The following ANO7 variants were observed in gnomAD, a reference collection of about 807,000 sequenced individuals.
ANO7 encodes the protein anoctamin 7, also known as anoctamin-7.
A neutral mutation model predicts 115.8 loss-of-function variants in ANO7; 114 were observed. The observed-to-expected ratio is 0.98, with a 90% CI of 0.85 to 1.15. The LOEUF is 1.15. ANO7 is among the 50% of genes most tolerant of loss of function. The pLI is 0.00. For synonymous variants in ANO7, 550 were observed against 498.2 expected (o/e 1.10, Z -1.38); for missense variants, 1,302 against 1,201.2 (o/e 1.08, Z -1.24).
At chr2:241,231,134 C>T in the ANO7 span, 1 of 560,910 alleles carries the variant, frequency 1.8e-6, no homozygotes, top group Non-Finnish European at 3.2e-6. Flanking sequence ...CCTGTAATCC[C>T]AGCACTTTGG....
Position 241,214,902 on chromosome 2 carries a change from CGT to C in ANO7, c.1826+2_1826+3del. 6.2e-7 allele frequency: 1 copy of C among 1,611,674 alleles called. No homozygotes were observed. On this transcript the variant is annotated splice_donor_variant, in intron 18 of 24. Coordinates refer to ENST00000674324, the MANE Select transcript of ANO7 (RefSeq NM_001370694.2). LOFTEE classifies it high-confidence loss of function. ...AACAACATGCAGGAGGTCCTCATCC[CGT>C]GAGTCCCCCACTCCTCCCTGGGTGG...
chr2:241,230,577 C>T (rs1025980452), downstream of ANO7, among the ~76,000 whole-genome samples: 3 of 152,240 alleles, frequency 2.0e-5, no homozygotes, highest in East Asian at 5.8e-4. The surrounding 1 kb of genome is among the most constrained non-coding windows in gnomAD (Gnocchi z 5.0). Flanking sequence ...CGTGGCAGTG[C>T]AGCCTCACAC....
Position 241,188,799 on chromosome 2 carries a change from G to T in ANO7, c.-8+33G>T. On this transcript the variant is annotated intron_variant, in intron 1 of 24. Transcript: ENST00000674324. The surrounding 1 kb of genome is among the most constrained non-coding windows in gnomAD (Gnocchi z 4.3). The stretch of plus-strand genomic sequence containing the variant: ...CCCAGCCTAGACGTGTGGGCCACAG[G>T]GAGAAGGTGGAGCGTTGGACTCTAG... 1 of 1,601,274 alleles carries T rather than the reference G, an allele frequency of 6.2e-7. No homozygotes were observed. The highest frequency in any genetic ancestry group is 1.1e-5 in the South Asian group (1 of 90,336).
chr2:241,223,995 C>T (rs369648977), intron 24 of ANO7, 40 bp downstream of exon 24: 2 of 1,613,778 alleles, frequency 1.2e-6, no homozygotes, highest in East Asian at 4.5e-5. Flanking sequence ...CCGTGCACTC[C>T]CTGAGGTCAC....
Position 241,203,280 on chromosome 2 carries a change from G to A in ANO7, c.724-53G>A. The A allele has an allele frequency of 1.4e-6, 2 of 1,411,100 alleles. No homozygotes were observed. The highest frequency in any genetic ancestry group is 9.4e-7 in the Non-Finnish European group (1 of 1,064,176). 87.4% of individuals were successfully genotyped at this position (1,411,100 alleles called of 1,614,324 possible). On this transcript the variant is annotated intron_variant, in intron 8 of 24. Transcript: ENST00000674324. This position sits in a 1 kb window ranked among gnomAD's most constrained non-coding sequence, Gnocchi z 4.8. ...CTGAAGCCCCTGCACCTACAACAGT[G>A]CCCAGTGGGGTCAGCTGGGGGAGCC... is the stretch of plus-strand genomic sequence containing the variant.
intron 16 of ANO7, 92 bp from the exon 17 acceptor site, chr2:241,212,480 T>C (rs980439139): frequency 3.4e-5 from 46 of 1,366,804 alleles, no homozygotes; most frequent in Non-Finnish European, 4.5e-5. Context: ...CCAGGGCAGG[T>C]GCAGCAGCTC....
At chr2:241,236,212 A>G in the ANO7 span, 1 of 244,884 alleles carries the variant, frequency 4.1e-6, no homozygotes, top group Admixed American at 5.1e-5. Flanking sequence ...AGCAGCATCC[A>G]GTACGCAGGT....
At chr2:241,239,884 C>T in the ANO7 span, 41 of 1,612,828 alleles carry the variant, frequency 2.5e-5, no homozygotes, top group South Asian at 4.4e-5. The surrounding 1 kb of genome is among the most constrained non-coding windows in gnomAD (Gnocchi z 4.6). Context: ...AGTCGGCCGC[C>T]GAGGCCCGCT....
chr2:241,237,144 C>T, the ANO7 span, among the ~76,000 whole-genome samples: 12 of 152,194 alleles, frequency 7.9e-5, no homozygotes, highest in African/African-American at 2.9e-4. Context: ...ACCCACTGCA[C>T]AAGTGAGGCT....
intron 15 of ANO7, among the ~76,000 whole-genome samples, chr2:241,211,738 C>A (rs2068724550): frequency 6.6e-6 from 1 of 152,164 alleles, no homozygotes; most frequent in Non-Finnish European, 1.5e-5. Context: ...CCTCCTGTAA[C>A]CTTCAGCCTT....
At chr2:241,237,325 G>C in the ANO7 span, among the ~76,000 whole-genome samples, 1 of 152,212 alleles carries the variant, frequency 6.6e-6, no homozygotes, top group Non-Finnish European at 1.5e-5. Context: ...GAAGAGGCGT[G>C]TGAACAGGAC....
chr2:241,223,238 C>A lies in ANO7; in HGVS notation c.2374C>A (p.Leu792Ile), dbSNP rs756723413. 3 of 1,613,928 alleles carry A rather than the reference C, an allele frequency of 1.9e-6. No homozygotes were observed. Among genetic ancestry groups the A allele is most frequent in the Non-Finnish European group, 2.5e-6 (3 of 1,180,030 alleles). Residue 792 changes from leucine (L) to isoleucine (I), a missense_variant, in exon 22 of 25, where the codon CTT becomes ATT. Coordinates refer to ENST00000674324, the MANE Select transcript of ANO7 (RefSeq NM_001370694.2). ...DGHYSQTYWN[L>I]LAIRLAFVIV... Reference sequence around the variant, plus strand: ...ACATTATTCCCAGACCTACTGGAATCTTCTTGCCATCCGCCTGGCCTTCGT... The same window carrying A: ...ACATTATTCCCAGACCTACTGGAATATTCTTGCCATCCGCCTGGCCTTCGT...
chr2:241,210,675 ATTT>A lies in ANO7; in HGVS notation c.1561+106_1561+108del, dbSNP rs2068702320. ...ACTGACACACATGGCCCTCATTTCT[ATTT>A]CTTTCTTCTTTTTTCTTTTGAGACA... is the stretch of plus-strand genomic sequence containing the variant. On this transcript the variant is annotated intron_variant, in intron 15 of 24. Transcript: ENST00000674324. 4.2e-6 allele frequency: 4 copies of A among 956,752 alleles called. No individual in the cohort carries two copies. The Admixed American group carries it at 5.9e-5, about 14-fold the overall frequency. 59.3% of individuals were successfully genotyped at this position (956,752 alleles called of 1,614,324 possible). A position where few individuals can be genotyped will look rare whatever the true frequency, so the allele number is the denominator to read the frequency against.
chr2:241,232,150 C>A, the ANO7 span, among the ~76,000 whole-genome samples: 6 of 152,216 alleles, frequency 3.9e-5, no homozygotes, highest in Non-Finnish European at 7.3e-5. Flanking sequence ...CCGCGTGCTG[C>A]CAGGTACAGA....
At chr2:241,215,447 C>G (rs1431529461) in intron 18 of ANO7, among the ~76,000 whole-genome samples, 1 of 152,236 alleles carries the variant, frequency 6.6e-6, no homozygotes, top group Non-Finnish European at 1.5e-5. Context: ...CCTCCCAGCG[C>G]CCCCTGAACA....
Position 241,203,340 on chromosome 2 carries a change from T to C in ANO7, c.731T>C (p.Phe244Ser). 1 of 1,547,222 alleles carries C rather than the reference T, an allele frequency of 6.5e-7. No homozygotes were observed. ...CAGGCCGCTCGCCCCCAGGGCCCCTTCAAGACGCCCCCAGAGGGCCCGCAG... is the reference window on the plus strand; with the variant it reads ...CAGGCCGCTCGCCCCCAGGGCCCCTCCAAGACGCCCCCAGAGGGCCCGCAG... ...SAAFPLHDGPFKTPPEGPQAP... is the reference protein window; with the variant it reads ...SAAFPLHDGPSKTPPEGPQAP... The change falls in exon 9 of 25, where the codon TTC becomes TCC. Residue 244 changes from phenylalanine (F) to serine (S), a missense_variant. Phe to Ser is a radical substitution (Grantham distance 155). Transcript: ENST00000674324. This position sits in a 1 kb window ranked among gnomAD's most constrained non-coding sequence, Gnocchi z 4.8.
chr2:241,188,893 G>C lies in ANO7; in HGVS notation c.-8+127G>C, dbSNP rs918006732. 9.0e-5 allele frequency: 114 copies of C among 1,271,778 alleles called. 1 individual carries two copies. Among genetic ancestry groups the C allele is most frequent in the Non-Finnish European group, 1.1e-4 (105 of 941,682 alleles). 78.8% of individuals were successfully genotyped at this position (1,271,778 alleles called of 1,614,324 possible). A position where few individuals can be genotyped will look rare whatever the true frequency, so the allele number is the denominator to read the frequency against. On this transcript the variant is annotated intron_variant, in intron 1 of 24. Transcript: ENST00000674324. This position sits in a 1 kb window ranked among gnomAD's most constrained non-coding sequence, Gnocchi z 4.3. ...CTGGCCTGTGGGGAGGCAGTGCCAG[G>C]GCCCGCCCTGGTCCCCAAAGCCCCT...
chr2:241,217,841 A>C lies in ANO7; in HGVS notation c.2128A>C (p.Ile710Leu), dbSNP rs1023673837. The change falls in exon 20 of 25, where the codon ATC (isoleucine) becomes CTC (leucine). Residue 710 changes from isoleucine (I) to leucine (L), a missense_variant. Transcript: ENST00000674324. Reference sequence around the variant, plus strand: ...GGCCGAGCGCGCCCAGGACATCGGCATCTGGTTCCACATCCTGGCGGGCCT... The same window carrying C: ...GGCCGAGCGCGCCCAGGACATCGGCCTCTGGTTCCACATCCTGGCGGGCCT... The part of the protein sequence containing the change: ...PVAERAQDIG[I>L]WFHILAGLTH... The C allele has an allele frequency of 6.2e-7, 1 of 1,607,124 alleles. No homozygotes were observed. The highest frequency in any genetic ancestry group is 8.5e-7 in the Non-Finnish European group (1 of 1,178,358).
downstream of ANO7, chr2:241,230,739 T>C (rs1306317704): frequency 6.2e-7 from 1 of 1,611,444 alleles, no homozygotes; most frequent in Non-Finnish European, 8.5e-7. This position sits in a 1 kb window ranked among gnomAD's most constrained non-coding sequence, Gnocchi z 5.0. Flanking sequence ...TCTCACCCAC[T>C]GTGCTTCCAG....
Sources: allele counts gnomAD v4.1 joint callset (sites outside exome capture counted in the v4.1 genomes callset), GRCh38; gene constraint gnomAD v4.1.1; non-coding constraint Gnocchi (gnomAD v3.1); transcripts MANE v1.5; gene names NCBI Gene and HGNC (gene_info 2026-07-23, HGNC 2026-07-21).